SLC7A2: variants seen among roughly 807,000 people sequenced by gnomAD.
SLC7A2 encodes solute carrier family 7 member 2.
Under a neutral mutation model 58.9 loss-of-function variants are expected in SLC7A2, and 48 were observed. That is an observed-to-expected ratio of 0.82 (90% confidence interval 0.65 to 1.04). The LOEUF is 1.04. SLC7A2 is among the 50% of genes least tolerant of loss of function. The probability of loss-of-function intolerance (pLI) is 0.00; values close to 1 mark genes in which losing one functional copy is unlikely to be tolerated. For missense variants in SLC7A2, 1,029 were observed against 818.8 expected (o/e 1.26, Z -3.13); for synonymous variants, 363 against 314.5 (o/e 1.15, Z -1.63).
At position 17,562,180 on chromosome 8, in the gene SLC7A2, ATTTTTTTTTTTTTTTTTTTTTTT is replaced by A. The variant is rs200130071; in HGVS notation, c.1671+83_1671+105del. 8.8e-4 allele frequency: 524 copies of A among 594,246 alleles called. 2 individuals are homozygous for A. The highest frequency in any genetic ancestry group is 1.0e-3 in the Non-Finnish European group (436 of 432,718). 36.8% of individuals were successfully genotyped at this position (594,246 alleles called of 1,614,324 possible). A position where few individuals can be genotyped will look rare whatever the true frequency, so the allele number is the denominator to read the frequency against. ...TCTCTGTATAATTAGTTTGGTAAGT[ATTTTTTTTTTTTTTTTTTTTTTT>A]TTTTTTTTTTTTGGAGATGGAATCT... On this transcript the variant is annotated intron_variant, in intron 11 of 12. Transcript: ENST00000494857.
At chr8:17,552,747 C>T (rs1360514854) in intron 7 of SLC7A2, among the ~76,000 whole-genome samples, 1 of 152,172 alleles carries the variant, frequency 6.6e-6, no homozygotes, top group Non-Finnish European at 1.5e-5. Flanking sequence ...TACTTTAGAA[C>T]TCATTTCCCA....
At chr8:17,506,708 T>A (rs1033420766) in intron 2 of SLC7A2, among the ~76,000 whole-genome samples, 1 of 152,186 alleles carries the variant, frequency 6.6e-6, no homozygotes, top group Non-Finnish European at 1.5e-5. Context: ...CAGACCATTC[T>A]GTTTTTGTGA....
At chr8:17,510,256 A>AAG (rs1800549792) in intron 2 of SLC7A2, among the ~76,000 whole-genome samples, 4 of 141,418 alleles carry the variant, frequency 2.8e-5, no homozygotes, top group South Asian at 4.4e-4. Context: ...ATAATAATAA[A>AAG]AGAGTGAGCT....
intron 2 of SLC7A2, among the ~76,000 whole-genome samples, chr8:17,526,248 A>G (rs1434490276): frequency 6.6e-6 from 1 of 152,170 alleles, no homozygotes; most frequent in African/African-American, 2.4e-5. Flanking sequence ...TAAAAGGTGG[A>G]AGAATAAAGT....
At chr8:17,497,290 C>G (rs553182063) in intron 1 of SLC7A2, 53 bp downstream of exon 1, 1 of 152,192 alleles carries the variant, frequency 6.6e-6, no homozygotes, top group Admixed American at 6.5e-5. Flanking sequence ...AGGGGCAGCC[C>G]GGACGCTGGG....
At chr8:17,560,923 A>G (rs1292840374) in intron 10 of SLC7A2, among the ~76,000 whole-genome samples, 4 of 152,200 alleles carry the variant, frequency 2.6e-5, no homozygotes, top group African/African-American at 9.6e-5. Context: ...TTACGTAATC[A>G]TTCATTCATA....
Position 17,520,262 on chromosome 8 carries a change from A to G in SLC7A2, c.-23+17960A>G, listed in dbSNP as rs529490921. On this transcript the variant is annotated intron_variant, in intron 2 of 12. Transcript: ENST00000494857. ...ACTATATTTTAAGACAGTTATCTGA[A>G]GCATAGGGGTTCATGAGAATATTTG... 1.1e-4 allele frequency among the ~76,000 whole-genome samples: 16 copies of G among 152,290 alleles called. No individual in the cohort carries two copies. The South Asian group carries it at 2.5e-3, about 24-fold the overall frequency.
intron 2 of SLC7A2, among the ~76,000 whole-genome samples, chr8:17,522,925 CTTGGGAGGCTGAA>C (rs1801074809): frequency 6.6e-6 from 1 of 152,004 alleles, no homozygotes; most frequent in Non-Finnish European, 1.5e-5. Context: ...ATCCCAGCTA[CTTGGGAGGCTGAA>C]GTGGGAGGAT....
intron 2 of SLC7A2, among the ~76,000 whole-genome samples, chr8:17,510,184 C>G (rs1246328093): frequency 6.6e-6 from 1 of 152,026 alleles, no homozygotes; most frequent in Non-Finnish European, 1.5e-5. Flanking sequence ...AGCACCGCTG[C>G]ACTCCAGCCT....
At chr8:17,559,851 T>C (rs569031697) in intron 9 of SLC7A2, among the ~76,000 whole-genome samples, 1 of 152,150 alleles carries the variant, frequency 6.6e-6, no homozygotes, top group African/African-American at 2.4e-5. Context: ...GGCAGGATGG[T>C]CAGATGAGCT....
In SLC7A2 at chr8:17,569,542, T is replaced by C. The variant is rs2150799324; in HGVS notation, c.*4396T>C. 1 of 152,304 alleles carries C rather than the reference T, an allele frequency of 6.6e-6. No homozygotes were observed. The highest frequency in any genetic ancestry group is 6.5e-5 in the Admixed American group (1 of 15,302). The allele number at this position is 152,304 out of a possible 1,614,324, so 9.4% of individuals were successfully genotyped here. On this transcript the variant is annotated 3_prime_UTR_variant, in exon 13 of 13. Transcript: ENST00000494857. The stretch of plus-strand genomic sequence containing the variant: ...ATAGATATGAAATTGCTTGACTTTA[T>C]TGTTTTGGGGAGATTTTTTTTCCTT...
intron 2 of SLC7A2, among the ~76,000 whole-genome samples, chr8:17,535,943 C>T (rs993114987): frequency 1.3e-5 from 2 of 151,866 alleles, no homozygotes; most frequent in Non-Finnish European, 2.9e-5. Context: ...AAAAGATAGC[C>T]CACTAACATT....
chr8:17,522,019 T>C (rs1801034272), intron 2 of SLC7A2, among the ~76,000 whole-genome samples: 1 of 152,144 alleles, frequency 6.6e-6, no homozygotes, highest in Non-Finnish European at 1.5e-5. Context: ...CAGAGCCTCC[T>C]AGGTAAGAGG....
intron 9 of SLC7A2, among the ~76,000 whole-genome samples, chr8:17,559,731 G>C (rs1802873338): frequency 6.6e-6 from 1 of 152,216 alleles, no homozygotes; most frequent in Non-Finnish European, 1.5e-5. Flanking sequence ...TTCAAGGTGA[G>C]ATTTGGGTGG....
chr8:17,518,591 C>G (rs897874206), intron 2 of SLC7A2, among the ~76,000 whole-genome samples: 2 of 148,560 alleles, frequency 1.3e-5, no homozygotes, highest in Non-Finnish European at 3.0e-5. Flanking sequence ...TTAGATGGTG[C>G]AAACTAATCA....
chr8:17,548,143 C>G (rs1802266432), intron 4 of SLC7A2, among the ~76,000 whole-genome samples: 2 of 152,154 alleles, frequency 1.3e-5, no homozygotes, highest in African/African-American at 4.8e-5. Flanking sequence ...GAGTTCTAGA[C>G]TAGCCTGGCC....
intron 2 of SLC7A2, among the ~76,000 whole-genome samples, chr8:17,534,542 A>T (rs73566075): frequency 1.3e-5 from 2 of 152,192 alleles, no homozygotes; most frequent in Admixed American, 1.3e-4. Flanking sequence ...ACTCTGTTCC[A>T]TGAAAATATC....
At chr8:17,535,380 C>T (rs1385136203) in intron 2 of SLC7A2, among the ~76,000 whole-genome samples, 1 of 152,088 alleles carries the variant, frequency 6.6e-6, no homozygotes, top group Non-Finnish European at 1.5e-5. Context: ...ACCTCTCTAA[C>T]TACCTGTATC....
At chr8:17,523,530 C>G (rs1337843595) in intron 2 of SLC7A2, among the ~76,000 whole-genome samples, 1 of 152,110 alleles carries the variant, frequency 6.6e-6, no homozygotes, top group Non-Finnish European at 1.5e-5. Flanking sequence ...CCCTTTTCAG[C>G]AAATGGTGAT....
Sources: allele counts gnomAD v4.1 joint callset (sites outside exome capture counted in the v4.1 genomes callset), GRCh38; gene constraint gnomAD v4.1.1; transcripts MANE v1.5; gene names NCBI Gene and HGNC (gene_info 2026-07-23, HGNC 2026-07-21).